KSR2: variants seen among roughly 807,000 people sequenced by gnomAD.
The protein encoded by KSR2 is kinase suppressor of ras 2.
Under a neutral mutation model 107.8 loss-of-function variants are expected in KSR2, and 25 were observed. The ratio of observed to expected loss-of-function variants is 0.23; its 90% confidence interval spans 0.17 to 0.32. The LOEUF is 0.32. KSR2 is among the 10% of genes least tolerant of loss of function. The probability of loss-of-function intolerance (pLI) is 1.00; values close to 1 mark genes in which losing one functional copy is unlikely to be tolerated. For missense variants in KSR2, 887 were observed against 1,268.9 expected (o/e 0.70, Z 4.57); for synonymous variants, 480 against 507.0 (o/e 0.95, Z 0.71).
intron 5 of KSR2, among the ~76,000 whole-genome samples, chr12:117,593,154 T>C (rs1880425349): frequency 6.6e-6 from 1 of 152,098 alleles, no homozygotes; most frequent in Non-Finnish European, 1.5e-5. Flanking sequence ...CCCACATAGA[T>C]ACAGGACTGT....
intron 5 of KSR2, among the ~76,000 whole-genome samples, chr12:117,622,663 C>A (rs1310089239): frequency 6.6e-6 from 1 of 152,126 alleles, no homozygotes; most frequent in Non-Finnish European, 1.5e-5. Flanking sequence ...CTGCACAAAA[C>A]TTCCAGATCC....
chr12:117,815,068 T>C (rs931806445), intron 3 of KSR2, among the ~76,000 whole-genome samples: 28 of 152,140 alleles, frequency 1.8e-4, no homozygotes, highest in African/African-American at 6.8e-4. Context: ...ACAGAAAGGC[T>C]CATTGAAAGG....
At chr12:117,744,108 C>G (rs1201102056) in intron 4 of KSR2, among the ~76,000 whole-genome samples, 1 of 152,204 alleles carries the variant, frequency 6.6e-6, no homozygotes, top group Non-Finnish European at 1.5e-5. Context: ...TAAGCCCCAT[C>G]CATCATGGCA....
At chr12:117,661,454 G>C (rs1355831953) in intron 5 of KSR2, among the ~76,000 whole-genome samples, 2 of 152,086 alleles carry the variant, frequency 1.3e-5, no homozygotes. Flanking sequence ...AAGAAAGAGG[G>C]AGAGAAAAAA....
intron 14 of KSR2, among the ~76,000 whole-genome samples, chr12:117,490,944 C>A (rs186565471): frequency 2.0e-5 from 3 of 152,096 alleles, no homozygotes; most frequent in African/African-American, 7.2e-5. Context: ...CACTTAAAAT[C>A]TACTCCCTCA....
chr12:117,862,953 T>C (rs929639274), intron 1 of KSR2, among the ~76,000 whole-genome samples: 1 of 152,178 alleles, frequency 6.6e-6, no homozygotes, highest in African/African-American at 2.4e-5. Flanking sequence ...ATGGTCTCGA[T>C]CTCCTGATCT....
chr12:117,815,994 TG>T (rs1891355676), intron 3 of KSR2, among the ~76,000 whole-genome samples: 1 of 51,500 alleles, frequency 1.9e-5, no homozygotes, highest in Non-Finnish European at 3.2e-5. Context: ...AAATAAAGTG[TG>T]TGTGTGTGTG....
At chr12:117,682,854 G>A (rs1367774757) in intron 4 of KSR2, among the ~76,000 whole-genome samples, 1 of 152,138 alleles carries the variant, frequency 6.6e-6, no homozygotes, top group Non-Finnish European at 1.5e-5. Flanking sequence ...GAGTCACCCA[G>A]GCAAGAGAGG....
intron 1 of KSR2, among the ~76,000 whole-genome samples, chr12:117,958,287 A>C (rs532956634): frequency 6.6e-6 from 1 of 152,274 alleles, no homozygotes; most frequent in East Asian, 1.9e-4. Flanking sequence ...ACACTCAAAA[A>C]ATAAAATAAA....
chr12:117,461,681 C>A lies in KSR2; in HGVS notation c.*5518G>T. On this transcript the variant is annotated 3_prime_UTR_variant, in exon 20 of 20. Coordinates refer to ENST00000339824, the MANE Select transcript of KSR2 (RefSeq NM_173598.6). Reference sequence around the variant, plus strand: ...TCACTGCGGCTCCACATTCCAGGACCCAGACTGACATTTGCTGCCTGTCAC... The same window carrying A: ...TCACTGCGGCTCCACATTCCAGGACACAGACTGACATTTGCTGCCTGTCAC... 5.6e-6 allele frequency: 1 copy of A among 177,340 alleles called. No individual in the cohort carries two copies. The highest frequency in any genetic ancestry group is 1.2e-5 in the Non-Finnish European group (1 of 81,282). The allele number at this position is 177,340 out of a possible 1,614,324, so 11.0% of individuals were successfully genotyped here.
At chr12:117,523,799 C>A (rs1874926842) in intron 14 of KSR2, among the ~76,000 whole-genome samples, 2 of 152,158 alleles carry the variant, frequency 1.3e-5, no homozygotes, top group East Asian at 3.9e-4. Flanking sequence ...ATGGCGAAAC[C>A]CTGTCTCTAC....
At chr12:117,730,383 T>C (rs1887613177) in intron 4 of KSR2, among the ~76,000 whole-genome samples, 1 of 151,994 alleles carries the variant, frequency 6.6e-6, no homozygotes, top group Non-Finnish European at 1.5e-5. Context: ...GAATGCAATA[T>C]ATCCTGTCTC....
At chr12:117,647,535 G>A (rs559792532) in intron 5 of KSR2, among the ~76,000 whole-genome samples, 1 of 152,258 alleles carries the variant, frequency 6.6e-6, no homozygotes, top group South Asian at 2.1e-4. Context: ...AGAAGGAAGA[G>A]TCCCTCCATT....
intron 4 of KSR2, among the ~76,000 whole-genome samples, chr12:117,705,677 G>C (rs1005009512): frequency 6.6e-6 from 1 of 152,190 alleles, no homozygotes; most frequent in Non-Finnish European, 1.5e-5. Flanking sequence ...TAAGTGCTCT[G>C]GGCCCTAATT....
At chr12:117,517,365 G>A (rs1388494259) in intron 14 of KSR2, among the ~76,000 whole-genome samples, 1 of 152,206 alleles carries the variant, frequency 6.6e-6, no homozygotes, top group African/African-American at 2.4e-5. Context: ...GAGGCATTAT[G>A]GGTGAATTTC....
intron 3 of KSR2, among the ~76,000 whole-genome samples, chr12:117,848,066 A>G (rs1453346008): frequency 6.6e-6 from 1 of 152,258 alleles, no homozygotes; most frequent in Non-Finnish European, 1.5e-5. Context: ...AAAGGAAAAC[A>G]ATATCCACAA....
intron 3 of KSR2, among the ~76,000 whole-genome samples, chr12:117,831,132 C>T (rs1593279282): frequency 6.6e-6 from 1 of 152,174 alleles, no homozygotes; most frequent in African/African-American, 2.4e-5. Flanking sequence ...CGCTTTAAAT[C>T]ATGTCTGTTC....
At chr12:117,692,948 T>G (rs2136580594) in intron 4 of KSR2, among the ~76,000 whole-genome samples, 1 of 152,276 alleles carries the variant, frequency 6.6e-6, no homozygotes, top group East Asian at 1.9e-4. Context: ...CCTTTTGGGA[T>G]GATGAAAATA....
intron 5 of KSR2, among the ~76,000 whole-genome samples, chr12:117,654,936 G>A (rs941250813): frequency 6.6e-6 from 1 of 152,148 alleles, no homozygotes; most frequent in African/African-American, 2.4e-5. Context: ...TGGAGGTTAC[G>A]CATTGGCTCA....
Sources: gnomAD v4.1 joint callset for allele counts (sites outside exome capture counted in the v4.1 genomes callset) on GRCh38, gnomAD v4.1.1 for gene constraint, MANE v1.5 for transcripts, NCBI Gene and HGNC (gene_info 2026-07-23, HGNC 2026-07-21) for gene names.